Variants in CNTNAP5 observed in about 807,000 individuals in gnomAD.
CNTNAP5 encodes contactin associated protein family member 5.
In CNTNAP5, 72 loss-of-function variants were observed where a neutral mutation model predicts 150.2. That is an observed-to-expected ratio of 0.48 (90% CI 0.40 to 0.58). The LOEUF (loss-of-function observed/expected upper bound fraction) is 0.58, where lower values mean the gene tolerates loss of function less well. Among genes scored for constraint, CNTNAP5 ranks in the 20% least tolerant of loss-of-function variants. The probability of loss-of-function intolerance (pLI) is 0.00; values close to 1 mark genes in which losing one functional copy is unlikely to be tolerated. For missense variants in CNTNAP5, 1,636 were observed against 1,626.2 expected (o/e 1.01, Z -0.10); for synonymous variants, 672 against 619.8 (o/e 1.08, Z -1.25).
intron 1 of CNTNAP5, among the ~76,000 whole-genome samples, chr2:124,207,900 A>T (rs1030956955): frequency 2.6e-5 from 4 of 152,234 alleles, no homozygotes; most frequent in Non-Finnish European, 5.9e-5. Context: ...AAATTACAGC[A>T]CTGAATACCT....
At chr2:124,035,576 G>T (rs1558732671) in intron 1 of CNTNAP5, among the ~76,000 whole-genome samples, 1 of 152,046 alleles carries the variant, frequency 6.6e-6, no homozygotes, top group African/African-American at 2.4e-5. Flanking sequence ...GGAACCCAGG[G>T]GATTCTATGA....
intron 1 of CNTNAP5, among the ~76,000 whole-genome samples, chr2:124,046,186 C>A (rs922079614): frequency 1.6e-4 from 25 of 151,910 alleles, no homozygotes; most frequent in African/African-American, 5.6e-4. Flanking sequence ...CTCTGGGGTG[C>A]TGAAGAGAGT....
At chr2:124,706,100 T>G (rs1679631152) in intron 13 of CNTNAP5, among the ~76,000 whole-genome samples, 1 of 152,176 alleles carries the variant, frequency 6.6e-6, no homozygotes, top group Admixed American at 6.5e-5. Flanking sequence ...ACTAGAGAAT[T>G]ATGAAGTAGC....
chr2:124,914,421 C>A lies in CNTNAP5; in HGVS notation c.*133C>A. The A allele has an allele frequency of 1.5e-6, 1 of 684,942 alleles. No individual in the cohort carries two copies. Among genetic ancestry groups the A allele is most frequent in the Non-Finnish European group, 2.5e-6 (1 of 399,484 alleles). 42.4% of individuals were successfully genotyped at this position (684,942 alleles called of 1,614,324 possible). On this transcript the variant is annotated 3_prime_UTR_variant, in exon 24 of 24. Transcript: ENST00000682447. ...TGTCTTTTCTGGAACATACTTGCATCCACCACAGCATCAATTCCCTTGATC... is the reference window on the plus strand; with the variant it reads ...TGTCTTTTCTGGAACATACTTGCATACACCACAGCATCAATTCCCTTGATC...
intron 19 of CNTNAP5, among the ~76,000 whole-genome samples, chr2:124,827,175 C>T (rs561000066): frequency 7.2e-5 from 11 of 152,200 alleles, no homozygotes; most frequent in African/African-American, 2.2e-4. Context: ...CATCTTGTCT[C>T]GGCCTCCCAA....
chr2:124,559,432 A>C (rs1695835075), intron 10 of CNTNAP5, among the ~76,000 whole-genome samples: 1 of 152,204 alleles, frequency 6.6e-6, no homozygotes, highest in Non-Finnish European at 1.5e-5. Context: ...TTGGGGAGTA[A>C]GAGGAAAGCC....
At chr2:124,776,635 A>G (rs1681330567) in intron 17 of CNTNAP5, among the ~76,000 whole-genome samples, 1 of 152,176 alleles carries the variant, frequency 6.6e-6, no homozygotes, top group African/African-American at 2.4e-5. Flanking sequence ...TATGCTTGTG[A>G]GTGCCTCATG....
intron 13 of CNTNAP5, among the ~76,000 whole-genome samples, chr2:124,732,944 AGTT>A (rs974721000): frequency 2.3e-4 from 35 of 152,300 alleles, no homozygotes; most frequent in African/African-American, 7.5e-4. Flanking sequence ...ACAGTGGATT[AGTT>A]GTTGTCTTGA....
chr2:124,056,452 G>A (rs191368184), intron 1 of CNTNAP5, among the ~76,000 whole-genome samples: 9 of 145,788 alleles, frequency 6.2e-5, no homozygotes, highest in East Asian at 2.1e-4. Context: ...GTGAAACCCC[G>A]TCTATACTAA....
At chr2:124,188,991 A>G (rs1003331348) in intron 1 of CNTNAP5, among the ~76,000 whole-genome samples, 2 of 152,152 alleles carry the variant, frequency 1.3e-5, no homozygotes, top group East Asian at 3.9e-4. Flanking sequence ...TATTTTGAAG[A>G]TTAAGTTTTT....
intron 3 of CNTNAP5, among the ~76,000 whole-genome samples, chr2:124,327,548 G>C (rs1278175431): frequency 2.6e-5 from 4 of 152,104 alleles, no homozygotes; most frequent in African/African-American, 9.7e-5. Context: ...CTGATGAAAA[G>C]CATTTACTAT....
chr2:124,827,200 A>T (rs749190007), intron 19 of CNTNAP5, among the ~76,000 whole-genome samples: 17 of 152,158 alleles, frequency 1.1e-4, no homozygotes, highest in Non-Finnish European at 2.2e-4. Flanking sequence ...CTGAGATTAT[A>T]GATATGAGCC....
At chr2:124,378,891 G>T (rs1341672967) in intron 3 of CNTNAP5, among the ~76,000 whole-genome samples, 1 of 152,112 alleles carries the variant, frequency 6.6e-6, no homozygotes, top group Non-Finnish European at 1.5e-5. Flanking sequence ...CATGGAACAA[G>T]TTCACTTTGC....
intron 11 of CNTNAP5, among the ~76,000 whole-genome samples, chr2:124,569,761 A>G (rs555795268): frequency 1.3e-5 from 2 of 152,332 alleles, no homozygotes; most frequent in South Asian, 4.1e-4. Context: ...TTCCTCTTCC[A>G]AGCCTGATGT....
chr2:124,544,803 TA>T, intron 10 of CNTNAP5, among the ~76,000 whole-genome samples: 1 of 152,176 alleles, frequency 6.6e-6, no homozygotes, highest in East Asian at 1.9e-4. Flanking sequence ...AGGTTAAGTA[TA>T]AAGATTGGGT....
intron 19 of CNTNAP5, among the ~76,000 whole-genome samples, chr2:124,844,446 G>T (rs949839932): frequency 6.6e-6 from 1 of 152,054 alleles, no homozygotes; most frequent in Non-Finnish European, 1.5e-5. Context: ...CAGGTAATGC[G>T]ATGCCTCCAT....
Position 124,527,265 on chromosome 2 carries a change from C to CT in CNTNAP5, c.1478-14dup, listed in dbSNP as rs1558940535. ...GGATCATTTCAGCATTCTTCTTCAT[C>CT]TTTTTTCTCTGTCCCACAGGGTGCC... is the stretch of plus-strand genomic sequence containing the variant. On this transcript the variant is annotated intron_variant, in intron 9 of 23. Transcript: ENST00000682447. 4 of 1,604,428 alleles carry CT rather than the reference C, an allele frequency of 2.5e-6. No individual in the cohort carries two copies. In the South Asian group the frequency reaches 4.4e-5, roughly 18 times the overall value.
intron 3 of CNTNAP5, among the ~76,000 whole-genome samples, chr2:124,396,070 A>G (rs1691235489): frequency 6.6e-6 from 1 of 152,206 alleles, no homozygotes; most frequent in African/African-American, 2.4e-5. Flanking sequence ...TTTGGAGTTT[A>G]TAGTACATTC....
Position 124,321,433 on chromosome 2 carries a change from A to C in CNTNAP5, c.381+79040A>C, listed in dbSNP as rs542910792. On this transcript the variant is annotated intron_variant, in intron 3 of 23. Transcript: ENST00000682447. Reference sequence around the variant, plus strand: ...ATTCCAGCCTGGGCAACAAGAGCGAAACTCTATCTCAAAAAAAAAAAAAGA... The same window carrying C: ...ATTCCAGCCTGGGCAACAAGAGCGACACTCTATCTCAAAAAAAAAAAAAGA... Among the ~76,000 whole-genome samples the C allele has an allele frequency of 7.5e-5, 11 of 145,950 alleles. No individual in the cohort carries two copies. In the South Asian group the frequency reaches 2.4e-3, roughly 32 times the overall value.
Sources: gnomAD v4.1 joint callset for allele counts (sites outside exome capture counted in the v4.1 genomes callset) on GRCh38, gnomAD v4.1.1 for gene constraint, MANE v1.5 for transcripts, NCBI Gene and HGNC (gene_info 2026-07-23, HGNC 2026-07-21) for gene names.